Variants in ING1 observed in about 807,000 individuals in gnomAD.
ING1 encodes inhibitor of growth protein 1.
ING1 carries 4 observed loss-of-function variants against 23.1 expected under a neutral mutation model. The ratio of observed to expected loss-of-function variants is 0.17; its 90% CI spans 0.09 to 0.40. The LOEUF (loss-of-function observed/expected upper bound fraction) is 0.40. Ranked by LOEUF, ING1 falls within the 10% of genes least tolerant of loss-of-function variation. The pLI is 1.00. For synonymous variants in ING1, 179 were observed against 166.4 expected, an observed-to-expected ratio of 1.08 and a Z score of -0.58; for missense variants, 256 against 393.8, an observed-to-expected ratio of 0.65 and a Z score of 2.96.
chr13:110,719,019 TTTGTGTTGTG>T lies in ING1; in HGVS notation c.137-184_137-175del, dbSNP rs56258926. On this transcript the variant is annotated intron_variant, in intron 1 of 1. Transcript: ENST00000333219. The surrounding 1 kb of genome is among the most constrained non-coding windows in gnomAD (Gnocchi z 8.9). ...TGCCGCTGTGGAAGCTGGGCCGGCA[TTTGTGTTGTG>T]TTGTGTTGTGTTGTGTTGTGTTGTG... is the stretch of plus-strand genomic sequence containing the variant. Among the ~76,000 whole-genome samples, 127 of 148,554 alleles carry T rather than the reference TTTGTGTTGTG, an allele frequency of 8.5e-4. No homozygotes were observed. Among genetic ancestry groups the T allele is most frequent in the African/African-American group, 2.6e-3 (102 of 39,912 alleles).
In ING1 at chr13:110,719,249, G is replaced by C; in HGVS notation, c.157G>C (p.Glu53Gln). The C allele has an allele frequency of 6.2e-7, 1 of 1,613,170 alleles. No individual in the cohort carries two copies. The highest frequency in any genetic ancestry group is 8.5e-7 in the Non-Finnish European group (1 of 1,179,946). The change falls in exon 2 of 2, where the codon GAG (glutamate) becomes CAG (glutamine). Residue 53 changes from glutamate to glutamine, a missense_variant. By Grantham distance (29) the Glu-to-Gln change is conservative. Coordinates refer to ENST00000333219, the MANE Select transcript of ING1 (RefSeq NM_198219.3). The surrounding 1 kb of genome is among the most constrained non-coding windows in gnomAD (Gnocchi z 8.9). ...CCCAGAGATCCTGAAGGAGCTAGAC[G>C]AGTGCTACGAGCGCTTCAGTCGCGA... ...KYQEILKELD[E>Q]CYERFSRETD...
upstream of ING1, chr13:110,712,971 G>T (rs761795696): frequency 1.3e-6 from 2 of 1,559,264 alleles, no homozygotes; most frequent in East Asian, 2.4e-5. Context: ...GTCCGGCCGC[G>T]GAATGGGTAG....
chr13:110,713,327 G>C, upstream of ING1: 1 of 1,138,694 alleles, frequency 8.8e-7, no homozygotes, highest in Non-Finnish European at 1.1e-6. Context: ...TTTCTGTCCC[G>C]CGGCCCGTTA....
intron 1 of ING1, among the ~76,000 whole-genome samples, chr13:110,717,444 C>G (rs1428292694): frequency 6.6e-6 from 1 of 152,090 alleles, no homozygotes; most frequent in Non-Finnish European, 1.5e-5. Flanking sequence ...AGGTATATGT[C>G]TTATAACTAT....
chr13:110,713,377 G>C, upstream of ING1: 1 of 1,046,712 alleles, frequency 9.6e-7, no homozygotes, highest in Non-Finnish European at 1.2e-6. Context: ...CCGCTCCCCT[G>C]CGTTTCCCAG....
At chr13:110,714,494 G>A (rs1028043864) in intron 1 of ING1, among the ~76,000 whole-genome samples, 1 of 152,040 alleles carries the variant, frequency 6.6e-6, no homozygotes, top group Non-Finnish European at 1.5e-5. Context: ...GAGGAGGAAG[G>A]AGGCGCGAGA....
rs1394920062 is a variant in ING1, at chr13:110,720,711, T to C, written c.*779T>C. The C allele has an allele frequency of 1.2e-5, 2 of 167,150 alleles. No individual in the cohort carries two copies. The highest frequency in any genetic ancestry group is 6.5e-5 in the Admixed American group (1 of 15,286). 10.4% of individuals were successfully genotyped at this position (167,150 alleles called of 1,614,324 possible). The stretch of plus-strand genomic sequence containing the variant: ...GTCACAATTATGTGCAAAGGTGTGC[T>C]TCCTGCTGTATGTGAGCTGTAAAAA... On this transcript the variant is annotated 3_prime_UTR_variant, in exon 2 of 2. Coordinates refer to ENST00000333219, the MANE Select transcript of ING1 (RefSeq NM_198219.3).
chr13:110,720,077 T>A lies in ING1; in HGVS notation c.*145T>A. 1.6e-6 allele frequency: 1 copy of A among 628,316 alleles called. No individual in the cohort carries two copies. Among genetic ancestry groups the A allele is most frequent in the Non-Finnish European group, 2.6e-6 (1 of 378,086 alleles). The allele number at this position is 628,316 out of a possible 1,614,324, so 38.9% of individuals were successfully genotyped here. A position where few individuals can be genotyped will look rare whatever the true frequency, so the allele number is the denominator to read the frequency against. ...ACCATTCCTTTCATAGGGATGGCAG[T>A]GATTCTGTTTGCCTTTTGTTTTCAT... On this transcript the variant is annotated 3_prime_UTR_variant, in exon 2 of 2. Transcript: ENST00000333219.
At chr13:110,712,676 G>A (rs1350072998), upstream of ING1, 6 of 655,822 alleles carry the variant, frequency 9.1e-6, no homozygotes, top group African/African-American at 3.6e-5. Flanking sequence ...AATGGCCTCA[G>A]GACGCCGGCC....
upstream of ING1, chr13:110,713,132 C>T: frequency 7.0e-7 from 1 of 1,429,866 alleles, no homozygotes; most frequent in African/African-American, 1.4e-5. Context: ...GGGGGCATTA[C>T]TCACGGTCTC....
rs56258926 is a variant in ING1, at chr13:110,719,019, TTTGTGTTGTGTTGTG to T, written c.137-189_137-175del. Among the ~76,000 whole-genome samples the T allele has an allele frequency of 6.7e-6, 1 of 148,448 alleles. No homozygotes were observed. Among genetic ancestry groups the T allele is most frequent in the African/African-American group, 2.5e-5 (1 of 39,796 alleles). On this transcript the variant is annotated intron_variant, in intron 1 of 1. Coordinates refer to ENST00000333219, the MANE Select transcript of ING1 (RefSeq NM_198219.3). The surrounding 1 kb of genome is among the most constrained non-coding windows in gnomAD (Gnocchi z 8.9). ...TGCCGCTGTGGAAGCTGGGCCGGCA[TTTGTGTTGTGTTGTG>T]TTGTGTTGTGTTGTGTTGTGGTTAG...
In ING1 at chr13:110,719,192, C is replaced by G; in HGVS notation, c.137-37C>G. On this transcript the variant is annotated intron_variant, in intron 1 of 1. Transcript: ENST00000333219. This position sits in a 1 kb window ranked among gnomAD's most constrained non-coding sequence, Gnocchi z 8.9. Reference sequence around the variant, plus strand: ...GGGGCCGTGTGGGTTGTCCCGGTGTCCTGCTCGCGAGTGACGCCTGTCCTT... The same window carrying G: ...GGGGCCGTGTGGGTTGTCCCGGTGTGCTGCTCGCGAGTGACGCCTGTCCTT... 6.2e-7 allele frequency: 1 copy of G among 1,602,446 alleles called. No homozygotes were observed. Among genetic ancestry groups the G allele is most frequent in the Non-Finnish European group, 8.5e-7 (1 of 1,172,624 alleles).
chr13:110,715,570 G>T (rs2064108878), intron 1 of ING1: 1 of 1,613,946 alleles, frequency 6.2e-7, no homozygotes, highest in African/African-American at 1.3e-5. Flanking sequence ...TTCTTTTTCG[G>T]GGAGGAGCGG....
upstream of ING1, chr13:110,712,826 G>A (rs2064047972): frequency 5.5e-6 from 5 of 903,132 alleles, no homozygotes; most frequent in Non-Finnish European, 8.8e-6. Flanking sequence ...CTGGGGCTCG[G>A]CACTAGGAAG....
At chr13:110,715,567 T>TCGGGGAGGAG (rs1469574338) in intron 1 of ING1, 1 of 1,614,040 alleles carries the variant, frequency 6.2e-7, no homozygotes, top group Non-Finnish European at 8.5e-7. Flanking sequence ...TTTTTCTTTT[T>TCGGGGAGGAG]CGGGGAGGAG....
At chr13:110,714,370 G>A (rs2064081861) in intron 1 of ING1, 85 bp downstream of exon 1, 1 of 1,248,916 alleles carries the variant, frequency 8.0e-7, no homozygotes, top group East Asian at 3.4e-5. Flanking sequence ...CGGTCCTGCC[G>A]TGGACCGGAG....
chr13:110,715,599 T>A lies in ING1; in HGVS notation c.136+1314T>A, dbSNP rs537422467. ...GGAGCGGGGTGGAGGGTGGACGAGT[T>A]GATTTGAACGTCTTCGGGTCGCTCG... On this transcript the variant is annotated intron_variant, in intron 1 of 1. Coordinates refer to ENST00000333219, the MANE Select transcript of ING1 (RefSeq NM_198219.3). 17 of 1,614,100 alleles carry A rather than the reference T, an allele frequency of 1.1e-5. No homozygotes were observed. In the Admixed American group the frequency reaches 1.5e-4, roughly 14 times the overall value.
At chr13:110,714,318 C>A in intron 1 of ING1, 33 bp downstream of exon 1, 3 of 1,517,518 alleles carry the variant, frequency 2.0e-6, no homozygotes, top group Non-Finnish European at 2.6e-6. Flanking sequence ...CGGGGGCGGC[C>A]GCCTCCTTCC....
rs2064148668 is a variant in ING1 at position 110,719,108 on chromosome 13, C to T, written c.137-121C>T. 3 of 880,324 alleles carry T rather than the reference C, an allele frequency of 3.4e-6. No homozygotes were observed. The highest frequency in any genetic ancestry group is 5.2e-6 in the Non-Finnish European group (3 of 580,944). The allele number at this position is 880,324 out of a possible 1,614,324, so 54.5% of individuals were successfully genotyped here. On this transcript the variant is annotated intron_variant, in intron 1 of 1. Transcript: ENST00000333219. This position sits in a 1 kb window ranked among gnomAD's most constrained non-coding sequence, Gnocchi z 8.9. ...GAGCCTGTGGCTGGTGGGCTTTGTTCTGGGCAAGCCGTGCGCTGGCCCCTA... is the reference window on the plus strand; with the variant it reads ...GAGCCTGTGGCTGGTGGGCTTTGTTTTGGGCAAGCCGTGCGCTGGCCCCTA...
Sources: gnomAD v4.1 joint callset for allele counts (sites outside exome capture counted in the v4.1 genomes callset) on GRCh38, gnomAD v4.1.1 for gene constraint, Gnocchi (gnomAD v3.1) non-coding constraint, MANE v1.5 for transcripts, NCBI Gene and HGNC (gene_info 2026-07-23, HGNC 2026-07-21) for gene names.